CASZ1: variants seen among roughly 807,000 people sequenced by gnomAD.
CASZ1 encodes zinc finger protein castor homolog 1.
A neutral mutation model predicts 135.2 loss-of-function variants in CASZ1; 28 were observed. The ratio of observed to expected loss-of-function variants is 0.21; its 90% CI spans 0.15 to 0.28. The LOEUF (loss-of-function observed/expected upper bound fraction) is 0.28, where lower values mean the gene tolerates loss of function less well. Among genes scored for constraint, CASZ1 ranks in the 10% least tolerant of loss-of-function variants. The probability of loss-of-function intolerance (pLI) is 1.00; values close to 1 mark genes in which losing one functional copy is unlikely to be tolerated. For missense variants in CASZ1, 2,161 were observed against 2,453.3 expected (o/e 0.88, Z 2.52); for synonymous variants, 1,068 against 1,073.4 (o/e 0.99, Z 0.10).
intron 1 of CASZ1, among the ~76,000 whole-genome samples, chr1:10,792,325 CCGCCCCCCCCCCCCCGG>C (rs889685621): frequency 0.099 from 501 of 5,084 alleles, 74 homozygotes; most frequent in African/African-American, 0.21. Flanking sequence ...CCCCTCCCCC[CCGCCCCCCCCCCCCCGG>C]CCCCGCACAC....
chr1:10,704,393 C>T lies in CASZ1; in HGVS notation c.-24+1099G>A, dbSNP rs117824461. 8.8e-3 allele frequency: 1,346 copies of T among 152,508 alleles called. 72 individuals are homozygous for T. In the East Asian group the frequency reaches 0.15, roughly 17 times the overall value. 9.4% of individuals were successfully genotyped at this position (152,508 alleles called of 1,614,324 possible). A position where few individuals can be genotyped will look rare whatever the true frequency, so the allele number is the denominator to read the frequency against. ...GCTGGCGGCAAAGGGAGGAATCCAC[C>T]GGCCCCAGCGAGAGTGCAGGGCGCG... On this transcript the variant is annotated intron_variant, in intron 3 of 20. Transcript: ENST00000377022.
intron 2 of CASZ1, among the ~76,000 whole-genome samples, chr1:10,730,914 TG>T (rs1639691606): frequency 6.6e-6 from 1 of 151,820 alleles, no homozygotes; most frequent in Admixed American, 6.6e-5. Context: ...AAGACCAGCC[TG>T]GACAACATAG....
chr1:10,693,488 T>C (rs1638829726), intron 4 of CASZ1, among the ~76,000 whole-genome samples: 1 of 100,246 alleles, frequency 1.0e-5, no homozygotes, highest in African/African-American at 4.4e-5. Context: ...CAAAGATCTT[T>C]GCAGAGAACA....
chr1:10,691,589 C>T (rs894280013), intron 4 of CASZ1, among the ~76,000 whole-genome samples: 3 of 152,212 alleles, frequency 2.0e-5, no homozygotes, highest in Non-Finnish European at 4.4e-5. Context: ...CACGCTGCCC[C>T]AGAGGAAGGG....
chr1:10,638,429 G>C lies in CASZ1; in HGVS notation c.*513C>G, dbSNP rs187800579. 2,250 of 152,198 alleles carry C rather than the reference G, an allele frequency of 0.015. 25 individuals carry two copies. The highest frequency in any genetic ancestry group is 0.023 in the Non-Finnish European group (1,568 of 67,996). 9.4% of individuals were successfully genotyped at this position (152,198 alleles called of 1,614,324 possible). On this transcript the variant is annotated 3_prime_UTR_variant, in exon 21 of 21. Coordinates refer to ENST00000377022, the MANE Select transcript of CASZ1 (RefSeq NM_001079843.3). The surrounding 1 kb of genome is among the most constrained non-coding windows in gnomAD (Gnocchi z 5.9). ...GCTACTCCCGTGAGGCTTCCTCCAC[G>C]GTCCCTGTAGTGTCACCCGTGCTGA...
chr1:10,650,811 G>C (rs1004399973), intron 12 of CASZ1, 56 bp from the exon 13 acceptor site: 4 of 1,602,750 alleles, frequency 2.5e-6, no homozygotes, highest in Non-Finnish European at 3.4e-6. Context: ...TGGGCCCTGG[G>C]GCTCACCTTC....
intron 5 of CASZ1, chr1:10,660,977 G>C (rs889710723): frequency 3.4e-5 from 7 of 205,052 alleles, no homozygotes; most frequent in African/African-American, 1.7e-4. Flanking sequence ...AGCTGGGTGG[G>C]AGCCCAGGGG....
chr1:10,704,833 T>C (rs1207782602), intron 3 of CASZ1, among the ~76,000 whole-genome samples: 2 of 152,182 alleles, frequency 1.3e-5, no homozygotes, highest in Non-Finnish European at 2.9e-5. Flanking sequence ...GCCCCGCGGT[T>C]TCTCGCGCCA....
rs1018755200 is a variant in CASZ1, at chr1:10,676,783, T to A, written c.17-11212A>T. On this transcript the variant is annotated intron_variant, in intron 4 of 20. Coordinates refer to ENST00000377022, the MANE Select transcript of CASZ1 (RefSeq NM_001079843.3). The surrounding 1 kb of genome is among the most constrained non-coding windows in gnomAD (Gnocchi z 4.5). ...CCACACAGGCCAGCAGGAGCCTCTG[T>A]GAAGCCTGCATGGAGAAGAGATGCT... Among the ~76,000 whole-genome samples the A allele has an allele frequency of 1.3e-4, 20 of 152,352 alleles. No homozygotes were observed. The South Asian group carries it at 4.1e-3, about 32-fold the overall frequency.
chr1:10,755,401 C>G lies in CASZ1; in HGVS notation c.-77+5300G>C, dbSNP rs1026106924. 1.3e-5 allele frequency among the ~76,000 whole-genome samples: 2 copies of G among 152,234 alleles called. No individual in the cohort carries two copies. The highest frequency in any genetic ancestry group is 4.8e-5 in the African/African-American group (2 of 41,462). On this transcript the variant is annotated intron_variant, in intron 2 of 20. Coordinates refer to ENST00000377022, the MANE Select transcript of CASZ1 (RefSeq NM_001079843.3). The surrounding 1 kb of genome is among the most constrained non-coding windows in gnomAD (Gnocchi z 4.3). ...CGTCGCCTCTCCAATGCCAGCCTCT[C>G]TCACTGTGGGCACTCAGGGACAGAG...
chr1:10,663,446 G>A (rs1643120560), intron 5 of CASZ1, among the ~76,000 whole-genome samples: 1 of 152,214 alleles, frequency 6.6e-6, no homozygotes, highest in Non-Finnish European at 1.5e-5. Context: ...CGGGTCAGCC[G>A]CTGTCCTGAC....
rs1161657831 is a variant in CASZ1 at position 10,694,120 on chromosome 1, C to A, written c.-23-208G>T. On this transcript the variant is annotated intron_variant, in intron 3 of 20. Transcript: ENST00000377022. This position sits in a 1 kb window ranked among gnomAD's most constrained non-coding sequence, Gnocchi z 6.6. ...CGCACGCGCCCGCGGGTCCGCGCCG[C>A]CTGAGTTTCTCCAACTAAGGCAGCA... Among the ~76,000 whole-genome samples the A allele has an allele frequency of 6.6e-6, 1 of 150,968 alleles. No individual in the cohort carries two copies. Among genetic ancestry groups the A allele is most frequent in the Non-Finnish European group, 1.5e-5 (1 of 67,690 alleles).
At position 10,720,758 on chromosome 1, in the gene CASZ1, A is replaced by G. The variant is rs2100484085; in HGVS notation, c.-76-15214T>C. 6.6e-6 allele frequency among the ~76,000 whole-genome samples: 1 copy of G among 152,308 alleles called. No individual in the cohort carries two copies. The highest frequency in any genetic ancestry group is 1.9e-4 in the East Asian group (1 of 5,172). The stretch of plus-strand genomic sequence containing the variant: ...GAATGAGAAGGGCGTAGGGAAGCCC[A>G]AGGTCAGAGAGTGGGGAGGAAGTGG... On this transcript the variant is annotated intron_variant, in intron 2 of 20. Transcript: ENST00000377022. The surrounding 1 kb of genome is among the most constrained non-coding windows in gnomAD (Gnocchi z 5.7).
At chr1:10,678,581 T>C (rs1404126583) in intron 4 of CASZ1, among the ~76,000 whole-genome samples, 1 of 152,166 alleles carries the variant, frequency 6.6e-6, no homozygotes, top group Non-Finnish European at 1.5e-5. Context: ...ACTCGCTCCC[T>C]GGGCCGCGCC....
At chr1:10,705,450 C>G (rs115756159) in intron 3 of CASZ1, 42 bp downstream of exon 3, 1,860 of 152,472 alleles carry the variant, frequency 0.012, 41 homozygotes, top group African/African-American at 0.042. Context: ...GGTCACCAGT[C>G]GGGGAGAGGA....
chr1:10,686,925 G>A (rs1214934351), intron 4 of CASZ1, among the ~76,000 whole-genome samples: 2 of 152,238 alleles, frequency 1.3e-5, no homozygotes, highest in African/African-American at 4.8e-5. Context: ...GGAGAGCCGG[G>A]TCATCCTTTT....
At position 10,636,961 on chromosome 1, in the gene CASZ1, G is replaced by A. The variant is rs946486203; in HGVS notation, c.*1981C>T. Reference sequence around the variant, plus strand: ...ACATAGTTATAAAACATTAAAAAGAGCATTGGTGGATCAAGCATTGTTTCC... The same window carrying A: ...ACATAGTTATAAAACATTAAAAAGAACATTGGTGGATCAAGCATTGTTTCC... On this transcript the variant is annotated 3_prime_UTR_variant, in exon 21 of 21. Coordinates refer to ENST00000377022, the MANE Select transcript of CASZ1 (RefSeq NM_001079843.3). 6.6e-6 allele frequency: 1 copy of A among 152,154 alleles called. No individual in the cohort carries two copies. Among genetic ancestry groups the A allele is most frequent in the African/African-American group, 2.4e-5 (1 of 41,366 alleles). 9.4% of individuals were successfully genotyped at this position (152,154 alleles called of 1,614,324 possible).
intron 4 of CASZ1, among the ~76,000 whole-genome samples, chr1:10,673,432 G>A (rs1422690665): frequency 6.6e-6 from 1 of 152,072 alleles, no homozygotes; most frequent in African/African-American, 2.4e-5. Flanking sequence ...CCAGGGAGGG[G>A]GAGGTTGTGT....
At position 10,660,079 on chromosome 1, in the gene CASZ1, G is replaced by A. The variant is rs151040190; in HGVS notation, c.963C>T (p.Thr321=). Residue 321 remains threonine, a synonymous_variant, in exon 6 of 21, where the codon ACC becomes ACT. Coordinates refer to ENST00000377022, the MANE Select transcript of CASZ1 (RefSeq NM_001079843.3). The part of the protein sequence containing the change: ...KYDFFIQKLK[T]GENLRPQNGS... Reference sequence around the variant, plus strand: ...CGTTCTGGGGCCGCAGATTCTCGCCGGTCTTCAGTTTTTGGATGAAGAAGT... The same window carrying A: ...CGTTCTGGGGCCGCAGATTCTCGCCAGTCTTCAGTTTTTGGATGAAGAAGT... The A allele has an allele frequency of 3.4e-5, 55 of 1,614,036 alleles. No individual in the cohort carries two copies. The highest frequency in any genetic ancestry group is 6.7e-5 in the East Asian group (3 of 44,886).
Sources: gnomAD v4.1 joint callset for allele counts (sites outside exome capture counted in the v4.1 genomes callset) on GRCh38, gnomAD v4.1.1 for gene constraint, Gnocchi (gnomAD v3.1) non-coding constraint, MANE v1.5 for transcripts, NCBI Gene and HGNC (gene_info 2026-07-23, HGNC 2026-07-21) for gene names.